NAT8L: variants seen among roughly 807,000 people sequenced by gnomAD.
The protein encoded by NAT8L is aspartate N-acetyltransferase, also known as N-acetylaspartate synthetase.
A neutral mutation model predicts 21.2 loss-of-function variants in NAT8L; 6 were observed. The observed-to-expected ratio is 0.28, with a 90% CI of 0.16 to 0.56. The LOEUF (loss-of-function observed/expected upper bound fraction) is 0.56, where lower values mean the gene tolerates loss of function less well. NAT8L is among the 20% of genes least tolerant of loss of function. NAT8L has a pLI of 0.93. For synonymous variants in NAT8L, 239 were observed against 204.9 expected (o/e 1.17, Z -1.42); for missense variants, 331 against 433.3 (o/e 0.76, Z 2.10).
rs1040889410 is a variant in NAT8L at position 2,060,946 on chromosome 4, CTG to C, written c.377-51_377-50del. 11 of 1,102,144 alleles carry C rather than the reference CTG, an allele frequency of 1.0e-5. No homozygotes were observed. The highest frequency in any genetic ancestry group is 6.3e-5 in the South Asian group (4 of 63,062). The allele number at this position is 1,102,144 out of a possible 1,614,324, so 68.3% of individuals were successfully genotyped here. A position where few individuals can be genotyped will look rare whatever the true frequency, so the allele number is the denominator to read the frequency against. ...AGCGGGCTTCGCCGGGGTGGCGTCT[CTG>C]GGGCCTGGGGACCCCCGCCGCGCCG... On this transcript the variant is annotated intron_variant, in intron 1 of 2. Coordinates refer to ENST00000423729, the MANE Select transcript of NAT8L (RefSeq NM_178557.4). The surrounding 1 kb of genome is among the most constrained non-coding windows in gnomAD (Gnocchi z 4.7).
In NAT8L at chr4:2,059,522, G is replaced by C. The variant is rs1027640729; in HGVS notation, c.11G>C (p.Gly4Ala). 1 of 999,554 alleles carries C rather than the reference G, an allele frequency of 1.0e-6. No individual in the cohort carries two copies. The allele number at this position is 999,554 out of a possible 1,614,324, so 61.9% of individuals were successfully genotyped here. The part of the protein sequence containing the change: MHC[G>A]PPDMVCETKI... ...CGCCCGGCCGGGTGCATGCATTGTG[G>C]GCCTCCCGACATGGTCTGCGAGACG... is the stretch of plus-strand genomic sequence containing the variant. The change falls in exon 1 of 3, where the codon GGG (glycine) becomes GCG (alanine). Residue 4 changes from glycine (G) to alanine (A), a missense_variant. By Grantham distance (60) the Gly-to-Ala change is moderately conservative. This residue lies in a region of NAT8L where 199 missense variants were observed against 196.1 expected (regional missense o/e 1.01). Transcript: ENST00000423729. The surrounding 1 kb of genome is among the most constrained non-coding windows in gnomAD (Gnocchi z 4.8).
rs1037102558 is a variant in NAT8L at position 2,068,599 on chromosome 4, C to T, written c.*4472C>T. 2.0e-5 allele frequency: 3 copies of T among 152,182 alleles called. No individual in the cohort carries two copies. The highest frequency in any genetic ancestry group is 3.9e-4 in the East Asian group (2 of 5,186). 9.4% of individuals were successfully genotyped at this position (152,182 alleles called of 1,614,324 possible). On this transcript the variant is annotated 3_prime_UTR_variant, in exon 3 of 3. Coordinates refer to ENST00000423729, the MANE Select transcript of NAT8L (RefSeq NM_178557.4). The stretch of plus-strand genomic sequence containing the variant: ...ACATGTGTATGGATGCATATGTGAG[C>T]TGTACATGTAGAGTGTACATGTGTG...
rs1197098429 is a variant in NAT8L at position 2,064,215 on chromosome 4, C to T, written c.*88C>T. The T allele has an allele frequency of 2.0e-6, 2 of 978,056 alleles. No homozygotes were observed. Among genetic ancestry groups the T allele is most frequent in the Non-Finnish European group, 2.6e-6 (2 of 778,234 alleles). 60.6% of individuals were successfully genotyped at this position (978,056 alleles called of 1,614,324 possible). A position where few individuals can be genotyped will look rare whatever the true frequency, so the allele number is the denominator to read the frequency against. On this transcript the variant is annotated 3_prime_UTR_variant, in exon 3 of 3. Transcript: ENST00000423729. Reference sequence around the variant, plus strand: ...GCCCGGCGCGGCCTGCTTTCAGACGCTCAATTGGCGTTTGTGTTGGGTTTC... The same window carrying T: ...GCCCGGCGCGGCCTGCTTTCAGACGTTCAATTGGCGTTTGTGTTGGGTTTC...
intron 2 of NAT8L, among the ~76,000 whole-genome samples, chr4:2,061,719 GGTT>G (rs1289135765): frequency 1.3e-5 from 2 of 152,138 alleles, no homozygotes; most frequent in African/African-American, 4.8e-5. Context: ...GGGGGGTGGG[GGTT>G]GTTCTCCACC....
Position 2,060,943 on chromosome 4 carries a change from T to G in NAT8L, c.377-55T>G, listed in dbSNP as rs1194756652. The G allele has an allele frequency of 9.6e-6, 10 of 1,046,702 alleles. No homozygotes were observed. The highest frequency in any genetic ancestry group is 1.4e-5 in the Non-Finnish European group (10 of 739,948). 64.8% of individuals were successfully genotyped at this position (1,046,702 alleles called of 1,614,324 possible). On this transcript the variant is annotated intron_variant, in intron 1 of 2. Coordinates refer to ENST00000423729, the MANE Select transcript of NAT8L (RefSeq NM_178557.4). This position sits in a 1 kb window ranked among gnomAD's most constrained non-coding sequence, Gnocchi z 4.7. ...CCTAGCGGGCTTCGCCGGGGTGGCG[T>G]CTCTGGGGCCTGGGGACCCCCGCCG...
In NAT8L at chr4:2,063,838, C is replaced by T. The variant is rs747722804; in HGVS notation, c.620C>T (p.Thr207Met). 11 of 1,612,386 alleles carry T rather than the reference C, an allele frequency of 6.8e-6. No homozygotes were observed. Among genetic ancestry groups the T allele is most frequent in the South Asian group, 2.2e-5 (2 of 91,088 alleles). ...GCACGGGCCCACGAGGAGGACAACACGGTGGAGCTGCTGCGGATGTCTGTG... is the reference window on the plus strand; with the variant it reads ...GCACGGGCCCACGAGGAGGACAACATGGTGGAGCTGCTGCGGATGTCTGTG... ...VAARAHEEDN[T>M]VELLRMSVDS... Residue 207 changes from threonine (T) to methionine (M), a missense_variant, in exon 3 of 3, where the codon ACG becomes ATG. Around this residue, in one of 2 missense-constraint regions of NAT8L, gnomAD observed 132 missense variants for 237.1 expected, o/e 0.56. Transcript: ENST00000423729.
In NAT8L at chr4:2,061,203, C is replaced by G. The variant is rs776193690; in HGVS notation, c.541+41C>G. 7 of 1,608,550 alleles carry G rather than the reference C, an allele frequency of 4.4e-6. No homozygotes were observed. In the South Asian group the frequency reaches 7.7e-5, roughly 18 times the overall value. On this transcript the variant is annotated intron_variant, in intron 2 of 2. Coordinates refer to ENST00000423729, the MANE Select transcript of NAT8L (RefSeq NM_178557.4). Reference sequence around the variant, plus strand: ...GCCGCTCCCCGACCTCCGCCCCAGACAGCCCTCGGGGGCACGCACTCCAGC... The same window carrying G: ...GCCGCTCCCCGACCTCCGCCCCAGAGAGCCCTCGGGGGCACGCACTCCAGC...
intron 2 of NAT8L, among the ~76,000 whole-genome samples, chr4:2,061,569 A>C (rs903899229): frequency 1.3e-5 from 2 of 151,806 alleles, no homozygotes; most frequent in Non-Finnish European, 2.9e-5. Flanking sequence ...ATTGGGGCAC[A>C]GAGGATGGGG....
In NAT8L at chr4:2,059,737, C is replaced by A; in HGVS notation, c.226C>A (p.Arg76Ser). The A allele has an allele frequency of 8.3e-7, 1 of 1,201,970 alleles. No homozygotes were observed. The allele number at this position is 1,201,970 out of a possible 1,614,324, so 74.5% of individuals were successfully genotyped here. A position where few individuals can be genotyped will look rare whatever the true frequency, so the allele number is the denominator to read the frequency against. The change falls in exon 1 of 3, where the codon CGC becomes AGC. Residue 76 changes from arginine (R) to serine (S), a missense_variant. By Grantham distance (110) the Arg-to-Ser change is moderately radical. This residue lies in a region of NAT8L where 199 missense variants were observed against 196.1 expected (regional missense o/e 1.01). Transcript: ENST00000423729. This position sits in a 1 kb window ranked among gnomAD's most constrained non-coding sequence, Gnocchi z 4.8. Reference protein sequence around the residue: ...GAGGAGPPGGRGVCIREFRAA... With the variant: ...GAGGAGPPGGSGVCIREFRAA... ...GGGGGGCGCGGGGCCGCCGGGGGGGCGCGGCGTGTGCATCCGCGAGTTCCG... is the reference window on the plus strand; with the variant it reads ...GGGGGGCGCGGGGCCGCCGGGGGGGAGCGGCGTGTGCATCCGCGAGTTCCG...
Position 2,067,783 on chromosome 4 carries a change from C to T in NAT8L, c.*3656C>T, listed in dbSNP as rs1187024676. On this transcript the variant is annotated 3_prime_UTR_variant, in exon 3 of 3. Coordinates refer to ENST00000423729, the MANE Select transcript of NAT8L (RefSeq NM_178557.4). Reference sequence around the variant, plus strand: ...GCCAAGGGAGCCCACTGCCATCCCCCGTGGGCTGGCGCTGCAGTCGCGCAC... The same window carrying T: ...GCCAAGGGAGCCCACTGCCATCCCCTGTGGGCTGGCGCTGCAGTCGCGCAC... 3 of 152,308 alleles carry T rather than the reference C, an allele frequency of 2.0e-5. No homozygotes were observed. The highest frequency in any genetic ancestry group is 4.4e-5 in the Non-Finnish European group (3 of 68,082). 9.4% of individuals were successfully genotyped at this position (152,308 alleles called of 1,614,324 possible).
Position 2,067,240 on chromosome 4 carries a change from C to G in NAT8L, c.*3113C>G, listed in dbSNP as rs1475569818. On this transcript the variant is annotated 3_prime_UTR_variant, in exon 3 of 3. Coordinates refer to ENST00000423729, the MANE Select transcript of NAT8L (RefSeq NM_178557.4). ...CTCCGCCCCATGCCCAGCCTTGCTTCCGGCTGGTGGCATGCCTTGGGGCCG... is the reference window on the plus strand; with the variant it reads ...CTCCGCCCCATGCCCAGCCTTGCTTGCGGCTGGTGGCATGCCTTGGGGCCG... 1 of 152,452 alleles carries G rather than the reference C, an allele frequency of 6.6e-6. No homozygotes were observed. Among genetic ancestry groups the G allele is most frequent in the Non-Finnish European group, 1.5e-5 (1 of 68,200 alleles). The allele number at this position is 152,452 out of a possible 1,614,324, so 9.4% of individuals were successfully genotyped here.
At chr4:2,061,467 G>A (rs1459568812) in intron 2 of NAT8L, among the ~76,000 whole-genome samples, 1 of 152,240 alleles carries the variant, frequency 6.6e-6, no homozygotes, top group Non-Finnish European at 1.5e-5. Context: ...GGGCTCTGTG[G>A]GTCCCATCTG....
rs1439886967 is a variant in NAT8L, at chr4:2,059,984, G to T, written c.376+97G>T. ...GCGGACCCCGCGCCCGGCTCCCGGG[G>T]ACCAGCCTGGGAAGCCCCCCGCTTT... On this transcript the variant is annotated intron_variant, in intron 1 of 2. Transcript: ENST00000423729. The surrounding 1 kb of genome is among the most constrained non-coding windows in gnomAD (Gnocchi z 4.8). 2.0e-5 allele frequency: 14 copies of T among 705,610 alleles called. No individual in the cohort carries two copies. The highest frequency in any genetic ancestry group is 2.6e-5 in the Non-Finnish European group (14 of 541,606). 43.7% of individuals were successfully genotyped at this position (705,610 alleles called of 1,614,324 possible). A position where few individuals can be genotyped will look rare whatever the true frequency, so the allele number is the denominator to read the frequency against.
At position 2,059,913 on chromosome 4, in the gene NAT8L, CG is replaced by C; in HGVS notation, c.376+27del. 8.2e-7 allele frequency: 1 copy of C among 1,222,456 alleles called. No individual in the cohort carries two copies. The highest frequency in any genetic ancestry group is 2.4e-5 in the South Asian group (1 of 42,190). The allele number at this position is 1,222,456 out of a possible 1,614,324, so 75.7% of individuals were successfully genotyped here. On this transcript the variant is annotated intron_variant, in intron 1 of 2. Coordinates refer to ENST00000423729, the MANE Select transcript of NAT8L (RefSeq NM_178557.4). This position sits in a 1 kb window ranked among gnomAD's most constrained non-coding sequence, Gnocchi z 4.8. The stretch of plus-strand genomic sequence containing the variant: ...GTCAGTGCGCCGGGCCCCCGGCTGC[CG>C]CAGTCCCTCGGGCCGGCGCGGAGCT...
chr4:2,061,167 G>A lies in NAT8L; in HGVS notation c.541+5G>A, dbSNP rs753331710. On this transcript the variant is annotated splice_donor_5th_base_variant and intron_variant, in intron 2 of 2. Coordinates refer to ENST00000423729, the MANE Select transcript of NAT8L (RefSeq NM_178557.4). ...AGTACTACATGAAGCCGCCCGGTGAGTCCCGCTCCCGCCGCTCCCCGACCT... is the reference window on the plus strand; with the variant it reads ...AGTACTACATGAAGCCGCCCGGTGAATCCCGCTCCCGCCGCTCCCCGACCT... The A allele has an allele frequency of 1.2e-6, 2 of 1,608,290 alleles. No individual in the cohort carries two copies. The highest frequency in any genetic ancestry group is 1.7e-6 in the Non-Finnish European group (2 of 1,177,798).
rs559522261 is a variant in NAT8L, at chr4:2,061,188, G to A, written c.541+26G>A. 2.5e-4 allele frequency: 400 copies of A among 1,609,846 alleles called. 2 individuals carry two copies. The East Asian group carries it at 8.1e-3, about 32-fold the overall frequency. The stretch of plus-strand genomic sequence containing the variant: ...GTGAGTCCCGCTCCCGCCGCTCCCC[G>A]ACCTCCGCCCCAGACAGCCCTCGGG... On this transcript the variant is annotated intron_variant, in intron 2 of 2. Transcript: ENST00000423729.
At position 2,059,595 on chromosome 4, in the gene NAT8L, G is replaced by A. The variant is rs529170873; in HGVS notation, c.84G>A (p.Lys28=). Residue 28 remains lysine (K), a synonymous_variant, in exon 1 of 3, where the codon AAG becomes AAA. Transcript: ENST00000423729. The surrounding 1 kb of genome is among the most constrained non-coding windows in gnomAD (Gnocchi z 4.8). ...EDHEALPGAK[K]DALLAAAGAM... The stretch of plus-strand genomic sequence containing the variant: ...ATGAGGCGCTGCCGGGGGCCAAGAA[G>A]GACGCGCTGCTCGCCGCCGCCGGCG... The A allele has an allele frequency of 2.9e-4, 288 of 982,458 alleles. 1 individual carries two copies. The African/African-American group carries it at 4.5e-3, about 15-fold the overall frequency. The allele number at this position is 982,458 out of a possible 1,614,324, so 60.9% of individuals were successfully genotyped here. A position where few individuals can be genotyped will look rare whatever the true frequency, so the allele number is the denominator to read the frequency against.
In NAT8L at chr4:2,060,674, T is replaced by C. The variant is rs951904668; in HGVS notation, c.377-324T>C. On this transcript the variant is annotated intron_variant, in intron 1 of 2. Coordinates refer to ENST00000423729, the MANE Select transcript of NAT8L (RefSeq NM_178557.4). This position sits in a 1 kb window ranked among gnomAD's most constrained non-coding sequence, Gnocchi z 4.7. ...CGCGGGGCCTGGTCTGCGGGGCAGC[T>C]CCCTGCCAGGATCTGCCCACCTTGG... is the stretch of plus-strand genomic sequence containing the variant. Among the ~76,000 whole-genome samples the C allele has an allele frequency of 7.0e-4, 104 of 149,094 alleles. 1 individual carries two copies. The highest frequency in any genetic ancestry group is 4.6e-4 in the Non-Finnish European group (31 of 67,226).
rs1729966671 is a variant in NAT8L, at chr4:2,064,883, G to T, written c.*756G>T. 1 of 152,556 alleles carries T rather than the reference G, an allele frequency of 6.6e-6. No homozygotes were observed. Among genetic ancestry groups the T allele is most frequent in the African/African-American group, 2.4e-5 (1 of 41,462 alleles). The allele number at this position is 152,556 out of a possible 1,614,324, so 9.5% of individuals were successfully genotyped here. On this transcript the variant is annotated 3_prime_UTR_variant, in exon 3 of 3. Transcript: ENST00000423729. ...CCCATGGCGTCCGTGGCACAGCCAG[G>T]GTGGGGGTCCATGGGACCCCTCTCC...
Sources: allele counts gnomAD v4.1 joint callset (sites outside exome capture counted in the v4.1 genomes callset), GRCh38; gene constraint gnomAD v4.1.1; regional missense constraint gnomAD v4.1.1; non-coding constraint Gnocchi (gnomAD v3.1); transcripts MANE v1.5; gene names NCBI Gene and HGNC (gene_info 2026-07-23, HGNC 2026-07-21).